The following RNF157 variants were observed in gnomAD, a reference collection of about 807,000 sequenced individuals.
RNF157 encodes the protein E3 ubiquitin ligase RNF157.
RNF157 carries 55 observed loss-of-function variants against 88.3 expected under a neutral mutation model. The observed-to-expected ratio is 0.62, with a 90% CI of 0.50 to 0.78. The LOEUF is 0.78. RNF157 is among the 30% of genes least tolerant of loss of function. The probability of loss-of-function intolerance (pLI) is 0.00; values close to 1 mark genes in which losing one functional copy is unlikely to be tolerated. For synonymous variants in RNF157, 334 were observed against 341.2 expected (o/e 0.98, Z 0.23); for missense variants, 788 against 860.8 (o/e 0.92, Z 1.06).
intron 2 of RNF157, among the ~76,000 whole-genome samples, chr17:76,187,175 T>C (rs1044403555): frequency 1.3e-5 from 2 of 151,890 alleles, no homozygotes; most frequent in African/African-American, 4.8e-5. Context: ...TAGGATTTTC[T>C]TTTTTTCTTC....
chr17:76,154,260 TA>T lies in RNF157; in HGVS notation c.1810+22del, dbSNP rs776157298. On this transcript the variant is annotated intron_variant, in intron 17 of 18. Transcript: ENST00000269391. ...AGGAAAGAAAGATAACTAAAGGAAG[TA>T]AAGGACCAGATCTTTTACCACCTTC... The T allele has an allele frequency of 2.7e-5, 42 of 1,565,762 alleles. No homozygotes were observed. In the African/African-American group the frequency reaches 5.4e-4, roughly 20 times the overall value.
intron 2 of RNF157, among the ~76,000 whole-genome samples, chr17:76,205,693 C>T (rs1246597288): frequency 6.6e-6 from 1 of 151,494 alleles, no homozygotes; most frequent in Non-Finnish European, 1.5e-5. Context: ...CCACTGCACT[C>T]TAGCCTGGCG....
chr17:76,187,814 T>C (rs867870297), intron 2 of RNF157, among the ~76,000 whole-genome samples: 2 of 152,172 alleles, frequency 1.3e-5, no homozygotes. Context: ...GTCAGGCTGC[T>C]CTTGAACTCC....
intron 2 of RNF157, among the ~76,000 whole-genome samples, chr17:76,206,114 C>T (rs2069677853): frequency 6.6e-6 from 1 of 151,864 alleles, no homozygotes; most frequent in Non-Finnish European, 1.5e-5. Flanking sequence ...GCTTGTAGTC[C>T]CAGCTACTGG....
At position 76,156,079 on chromosome 17, in the gene RNF157, G is replaced by A. The variant is rs183810197; in HGVS notation, c.1525+131C>T. On this transcript the variant is annotated intron_variant, in intron 14 of 18. Transcript: ENST00000269391. Reference sequence around the variant, plus strand: ...GAAAGCAAGTCCTCTTCCCTCTCAAGCCAGGGCCTACTTGTCATGCAGTAC... The same window carrying A: ...GAAAGCAAGTCCTCTTCCCTCTCAAACCAGGGCCTACTTGTCATGCAGTAC... 3.0e-5 allele frequency: 21 copies of A among 707,872 alleles called. No individual in the cohort carries two copies. The African/African-American group carries it at 3.0e-4, about 10-fold the overall frequency. 43.8% of individuals were successfully genotyped at this position (707,872 alleles called of 1,614,324 possible).
At chr17:76,189,957 C>A (rs780190111) in intron 2 of RNF157, among the ~76,000 whole-genome samples, 1 of 152,196 alleles carries the variant, frequency 6.6e-6, no homozygotes, top group Non-Finnish European at 1.5e-5. Flanking sequence ...GCCCTGTAGA[C>A]CTTCCAGCAC....
intron 2 of RNF157, among the ~76,000 whole-genome samples, chr17:76,183,125 T>C (rs147405365): frequency 0.012 from 1,777 of 151,308 alleles, 29 homozygotes; most frequent in African/African-American, 0.04. Context: ...TTAGTAGAGA[T>C]AGGGTTTCTC....
At chr17:76,147,697 C>G (rs74560220) in intron 18 of RNF157, 3,340 of 152,294 alleles carry the variant, frequency 0.022, 133 homozygotes, top group African/African-American at 0.076. Flanking sequence ...CTGCTGCTCC[C>G]TCCTCAGCCT....
In RNF157 at chr17:76,146,473, C is replaced by T. The variant is rs1004507355; in HGVS notation, c.1922-1120G>A. ...TGCCCTCCCTCCAGTGAGGCTAGGG[C>T]GCTCCTGCCTTGGGCCTCGGCTGCC... On this transcript the variant is annotated intron_variant, in intron 18 of 18. Transcript: ENST00000269391. This position sits in a 1 kb window ranked among gnomAD's most constrained non-coding sequence, Gnocchi z 4.2. The T allele has an allele frequency of 1.1e-5, 11 of 985,600 alleles. No homozygotes were observed. Among genetic ancestry groups the T allele is most frequent in the Middle Eastern group, 5.2e-4 (1 of 1,938 alleles). The allele number at this position is 985,600 out of a possible 1,614,324, so 61.1% of individuals were successfully genotyped here. A position where few individuals can be genotyped will look rare whatever the true frequency, so the allele number is the denominator to read the frequency against.
At chr17:76,174,511 G>A (rs2144883696) in intron 2 of RNF157, among the ~76,000 whole-genome samples, 1 of 152,336 alleles carries the variant, frequency 6.6e-6, no homozygotes, top group Middle Eastern at 3.4e-3. Context: ...ATTGCCTTCT[G>A]AGGATCAAGA....
chr17:76,226,118 C>A (rs200011009), intron 1 of RNF157: 8 of 1,600,584 alleles, frequency 5.0e-6, no homozygotes, highest in East Asian at 2.2e-5. Flanking sequence ...CTGAGGAGAC[C>A]CCAGATAGGA....
chr17:76,156,677 A>C (rs1166893740), intron 13 of RNF157, among the ~76,000 whole-genome samples: 2 of 152,200 alleles, frequency 1.3e-5, no homozygotes, highest in African/African-American at 4.8e-5. Context: ...CTGCGGCAAA[A>C]GCATACAAAG....
chr17:76,165,619 C>T, intron 6 of RNF157, 74 bp from the exon 7 acceptor site: 1 of 1,523,338 alleles, frequency 6.6e-7, no homozygotes, highest in Non-Finnish European at 9.1e-7. Flanking sequence ...TCTCCAGTTC[C>T]CTGCAATCTG....
chr17:76,156,319 T>C lies in RNF157; in HGVS notation c.1416A>G (p.Glu472=). The C allele has an allele frequency of 6.2e-7, 1 of 1,613,928 alleles. No homozygotes were observed. Residue 472 remains glutamate (E), a splice_region_variant and synonymous_variant, in exon 14 of 19, where the codon GAA becomes GAG. Coordinates refer to ENST00000269391, the MANE Select transcript of RNF157 (RefSeq NM_052916.3). The stretch of plus-strand genomic sequence containing the variant: ...TCTCACTTTCTGGAGTCACACCACA[T>C]TCCTGGGGGTTGTGGGGGGACACAA... The part of the protein sequence containing the change: ...QRPSVQHLGE[E]CGVTPESENL...
At position 76,159,579 on chromosome 17, in the gene RNF157, G is replaced by A. The variant is rs113871910; in HGVS notation, c.1066-6C>T. On this transcript the variant is annotated splice_polypyrimidine_tract_variant and splice_region_variant and intron_variant, in intron 11 of 18. Transcript: ENST00000269391. The stretch of plus-strand genomic sequence containing the variant: ...GGTGGAATATTCTCTGAGGACTAGG[G>A]GAATCAGAGACAGGTTGAAAAATTA... The A allele has an allele frequency of 2.4e-5, 38 of 1,586,440 alleles. 1 individual carries two copies. In the African/African-American group the frequency reaches 2.8e-4, roughly 12 times the overall value.
chr17:76,162,629 C>T lies in RNF157; in HGVS notation c.721-6G>A. ...AGGTAGCTGACCCCGTCTACCTGAA[C>T]AGCAAACAGAAAGGTTCAAGGACAG... On this transcript the variant is annotated splice_polypyrimidine_tract_variant and splice_region_variant and intron_variant, in intron 8 of 18. Coordinates refer to ENST00000269391, the MANE Select transcript of RNF157 (RefSeq NM_052916.3). 3 of 1,608,482 alleles carry T rather than the reference C, an allele frequency of 1.9e-6. No homozygotes were observed. Among genetic ancestry groups the T allele is most frequent in the East Asian group, 2.2e-5 (1 of 44,560 alleles).
At chr17:76,192,811 GTTC>G (rs1316072359) in intron 2 of RNF157, among the ~76,000 whole-genome samples, 3 of 150,056 alleles carry the variant, frequency 2.0e-5, no homozygotes, top group Non-Finnish European at 3.0e-5. Context: ...GAAGACACAG[GTTC>G]TTGTTTCAGC....
intron 2 of RNF157, among the ~76,000 whole-genome samples, chr17:76,190,355 C>T (rs894089096): frequency 6.6e-6 from 1 of 151,942 alleles, no homozygotes; most frequent in South Asian, 2.1e-4. Flanking sequence ...TTAGTAGAGA[C>T]GGAGTTTCGC....
chr17:76,173,851 G>C (rs117910608), intron 2 of RNF157, 61 bp from the exon 3 acceptor site: 2 of 1,401,382 alleles, frequency 1.4e-6, no homozygotes, highest in African/African-American at 1.4e-5. Context: ...GCTGTCCCTC[G>C]CTTTACAGTT....
Sources: allele counts gnomAD v4.1 joint callset (sites outside exome capture counted in the v4.1 genomes callset), GRCh38; gene constraint gnomAD v4.1.1; non-coding constraint Gnocchi (gnomAD v3.1); transcripts MANE v1.5; gene names NCBI Gene and HGNC (gene_info 2026-07-23, HGNC 2026-07-21).